The following CSMD3 variants were observed in gnomAD, a reference collection of about 807,000 sequenced individuals.
CSMD3 encodes CUB and sushi domain-containing protein 3.
A neutral mutation model predicts 435.2 loss-of-function variants in CSMD3; 177 were observed. The observed-to-expected ratio is 0.41, with a 90% CI of 0.36 to 0.46. The LOEUF (loss-of-function observed/expected upper bound fraction) is 0.46, where lower values mean the gene tolerates loss of function less well. Among genes scored for constraint, CSMD3 ranks in the 20% least tolerant of loss-of-function variants. The pLI is 0.34. For synonymous variants in CSMD3, 1,656 were observed against 1,520.5 expected, an observed-to-expected ratio of 1.09 and a Z score of -2.07; for missense variants, 4,265 against 4,504.6, an observed-to-expected ratio of 0.95 and a Z score of 1.52.
rs141353504 is a variant in CSMD3 at position 112,905,064 on chromosome 8, G to A, written c.1633+16563C>T. Among the ~76,000 whole-genome samples the A allele has an allele frequency of 5.3e-5, 8 of 151,358 alleles. 1 individual carries two copies. The East Asian group carries it at 1.6e-3, about 30-fold the overall frequency. ...AGATTAATCAAAGTATCTGATTAATGGGAATTCTCATAAGAAAATACATCA... is the reference window on the plus strand; with the variant it reads ...AGATTAATCAAAGTATCTGATTAATAGGAATTCTCATAAGAAAATACATCA... On this transcript the variant is annotated intron_variant, in intron 10 of 70. Transcript: ENST00000297405.
chr8:112,764,405 C>T (rs1164299449), intron 13 of CSMD3, among the ~76,000 whole-genome samples: 1 of 150,940 alleles, frequency 6.6e-6, no homozygotes, highest in Non-Finnish European at 1.5e-5. Context: ...AAAAAAAGTA[C>T]TTATTTCCAA....
chr8:112,885,888 T>C (rs2081575660), intron 10 of CSMD3, among the ~76,000 whole-genome samples: 1 of 151,724 alleles, frequency 6.6e-6, no homozygotes, highest in Admixed American at 6.6e-5. Flanking sequence ...TCACTATGTC[T>C]GGGCTGTCGA....
chr8:113,048,117 G>T (rs1391874687), intron 5 of CSMD3, among the ~76,000 whole-genome samples: 1 of 140,028 alleles, frequency 7.1e-6, no homozygotes, highest in Non-Finnish European at 1.5e-5. Flanking sequence ...GACCGAGACC[G>T]AGTCTCGCTC....
chr8:112,760,147 A>T (rs2077802479), intron 13 of CSMD3, among the ~76,000 whole-genome samples: 1 of 152,212 alleles, frequency 6.6e-6, no homozygotes. Flanking sequence ...AATTTTCAGA[A>T]TCAGATATTG....
At chr8:112,898,707 CCAA>C (rs1479423694) in intron 10 of CSMD3, among the ~76,000 whole-genome samples, 2 of 151,180 alleles carry the variant, frequency 1.3e-5, no homozygotes, top group Admixed American at 6.6e-5. Flanking sequence ...TGCATGCACA[CCAA>C]CATGTATTTT....
At chr8:112,478,572 G>A (rs1180269877) in intron 31 of CSMD3, among the ~76,000 whole-genome samples, 1 of 152,174 alleles carries the variant, frequency 6.6e-6, no homozygotes, top group African/African-American at 2.4e-5. Flanking sequence ...TAAGAGTGAT[G>A]TCTTTGGGTA....
chr8:112,890,572 T>C (rs1007688217), intron 10 of CSMD3, among the ~76,000 whole-genome samples: 2 of 151,700 alleles, frequency 1.3e-5, no homozygotes, highest in African/African-American at 4.8e-5. Flanking sequence ...CTCAATTTCC[T>C]TAACTACCTG....
rs184675946 is a variant in CSMD3, at chr8:112,441,919, C to T, written c.5395+30672G>A. 2.6e-3 allele frequency among the ~76,000 whole-genome samples: 386 copies of T among 146,892 alleles called. 3 individuals are homozygous for T. Among genetic ancestry groups the T allele is most frequent in the African/African-American group, 8.7e-3 (358 of 41,382 alleles). On this transcript the variant is annotated intron_variant, in intron 32 of 70. Transcript: ENST00000297405. ...AATTTGGTGGGGACACAGAGCCAGA[C>T]CATATCAGATTTTTTTTGGTAAACA... is the stretch of plus-strand genomic sequence containing the variant.
chr8:113,240,975 A>G (rs1371978981), intron 3 of CSMD3, among the ~76,000 whole-genome samples: 1 of 152,138 alleles, frequency 6.6e-6, no homozygotes, highest in Non-Finnish European at 1.5e-5. Context: ...AAGAAATATA[A>G]TAAGGGATTA....
chr8:113,414,681 G>A (rs574644069), intron 1 of CSMD3, among the ~76,000 whole-genome samples: 164 of 149,850 alleles, frequency 1.1e-3, no homozygotes, highest in Middle Eastern at 0.011. Flanking sequence ...AAAGTACTGG[G>A]AGGGCACAGT....
chr8:113,202,674 C>G (rs1434199575), intron 3 of CSMD3, among the ~76,000 whole-genome samples: 1 of 152,080 alleles, frequency 6.6e-6, no homozygotes, highest in African/African-American at 2.4e-5. Context: ...TTCCATCATT[C>G]TTAGAACCTT....
intron 2 of CSMD3, among the ~76,000 whole-genome samples, chr8:113,291,867 T>C (rs1371169000): frequency 6.6e-6 from 1 of 151,906 alleles, no homozygotes; most frequent in Non-Finnish European, 1.5e-5. Context: ...TATTTTATAG[T>C]GAAAATAACA....
chr8:112,306,237 G>T, intron 50 of CSMD3, 45 bp from the exon 51 acceptor site: 1 of 1,478,956 alleles, frequency 6.8e-7, no homozygotes, highest in Non-Finnish European at 9.4e-7. Flanking sequence ...ACAGAAAAAT[G>T]TTTAATTTAT....
chr8:112,731,945 A>G (rs1282391837), intron 13 of CSMD3, among the ~76,000 whole-genome samples: 2 of 152,094 alleles, frequency 1.3e-5, no homozygotes, highest in Non-Finnish European at 2.9e-5. Context: ...GACAGGCAAA[A>G]ATGTATTTGG....
chr8:112,630,817 T>G (rs1364252456), intron 22 of CSMD3, among the ~76,000 whole-genome samples: 1 of 152,040 alleles, frequency 6.6e-6, no homozygotes, highest in Non-Finnish European at 1.5e-5. Flanking sequence ...CTTAGCAGTG[T>G]AAAGTCAATG....
intron 1 of CSMD3, among the ~76,000 whole-genome samples, chr8:113,431,929 C>A (rs1236611495): frequency 6.6e-6 from 1 of 152,082 alleles, no homozygotes; most frequent in Non-Finnish European, 1.5e-5. Flanking sequence ...ATTCAGCTAC[C>A]CTACAAATAG....
rs552951111 is a variant in CSMD3, at chr8:113,329,873, T to A, written c.179-15080A>T. Among the ~76,000 whole-genome samples, 6 of 151,836 alleles carry A rather than the reference T, an allele frequency of 4.0e-5. No individual in the cohort carries two copies. In the East Asian group the frequency reaches 1.2e-3, roughly 29 times the overall value. On this transcript the variant is annotated intron_variant, in intron 1 of 70. Coordinates refer to ENST00000297405, the MANE Select transcript of CSMD3 (RefSeq NM_198123.2). ...GCTCTCAAAAATGAAGGAGAAATAA[T>A]GACATTTGAAAAAAATAAAAACTGC...
At chr8:112,947,386 G>T (rs551642589) in intron 9 of CSMD3, among the ~76,000 whole-genome samples, 16 of 151,672 alleles carry the variant, frequency 1.1e-4, no homozygotes, top group African/African-American at 3.6e-4. Context: ...TACAGGAATT[G>T]CCTCATTTGA....
intron 36 of CSMD3, among the ~76,000 whole-genome samples, chr8:112,386,626 T>C (rs1706137863): frequency 6.6e-6 from 1 of 151,890 alleles, no homozygotes; most frequent in Admixed American, 6.6e-5. Flanking sequence ...GCCTCCCGAG[T>C]AGCTGGGACT....
Sources: allele counts gnomAD v4.1 joint callset (sites outside exome capture counted in the v4.1 genomes callset), GRCh38; gene constraint gnomAD v4.1.1; transcripts MANE v1.5; gene names NCBI Gene and HGNC (gene_info 2026-07-23, HGNC 2026-07-21).